Variants in SERAC1 observed in about 807,000 individuals in gnomAD.
SERAC1 encodes the protein serine active site containing 1.
Under a neutral mutation model 85.7 loss-of-function variants are expected in SERAC1, and 36 were observed. The observed-to-expected ratio is 0.42, with a 90% CI of 0.32 to 0.55. The LOEUF (loss-of-function observed/expected upper bound fraction) is 0.55, where lower values mean the gene tolerates loss of function less well. Among genes scored for constraint, SERAC1 ranks in the 20% least tolerant of loss-of-function variants. The pLI, the probability that SERAC1 is intolerant of heterozygous loss-of-function variation, is 0.11. For missense variants in SERAC1, 629 were observed against 796.2 expected (o/e 0.79, Z 2.53); for synonymous variants, 242 against 265.3 (o/e 0.91, Z 0.85).
chr6:158,142,847 G>T (rs922797621), intron 8 of SERAC1, among the ~76,000 whole-genome samples: 1 of 152,120 alleles, frequency 6.6e-6, no homozygotes, highest in Non-Finnish European at 1.5e-5. Context: ...ATAGTGAAGG[G>T]CTCCTGAAAT....
In SERAC1 at chr6:158,119,112, T is replaced by A. The variant is rs750317383; in HGVS notation, c.1225A>T (p.Thr409Ser). 1 of 1,613,816 alleles carries A rather than the reference T, an allele frequency of 6.2e-7. No homozygotes were observed. Among genetic ancestry groups the A allele is most frequent in the South Asian group, 1.1e-5 (1 of 91,046 alleles). ...TGCTCACTGTCCTGCTGGCGCCATG[T>A]TTTGAATGCTGCTCCCATAAGGCCA... ...IHGLMGAAFKTWRQQDSEQAV... is the reference protein window; with the variant it reads ...IHGLMGAAFKSWRQQDSEQAV... Residue 409 changes from threonine to serine, a missense_variant, in exon 12 of 17, where the codon ACA becomes TCA. Thr to Ser is a moderately conservative substitution (Grantham distance 58). Coordinates refer to ENST00000647468, the MANE Select transcript of SERAC1 (RefSeq NM_032861.4). This position sits in a 1 kb window ranked among gnomAD's most constrained non-coding sequence, Gnocchi z 4.5.
chr6:158,151,751 GTTTATAGAA>G (rs938955432), intron 3 of SERAC1, among the ~76,000 whole-genome samples: 62 of 152,106 alleles, frequency 4.1e-4, no homozygotes, highest in African/African-American at 1.3e-3. Flanking sequence ...ACAGACAAAA[GTTTATAGAA>G]TAAAGACATA....
chr6:158,118,009 C>T (rs1312056113), intron 12 of SERAC1, among the ~76,000 whole-genome samples, 188 bp from the exon 13 acceptor site: 1 of 152,108 alleles, frequency 6.6e-6, no homozygotes, highest in East Asian at 1.9e-4. Flanking sequence ...CGAAGTGGTA[C>T]CAGTATTTAT....
chr6:158,126,179 A>C (rs930507426), intron 10 of SERAC1, among the ~76,000 whole-genome samples: 4 of 152,202 alleles, frequency 2.6e-5, no homozygotes, highest in Non-Finnish European at 5.9e-5. Flanking sequence ...TGAAAGAGGC[A>C]AGAAGCAAAG....
chr6:158,144,149 A>G, intron 7 of SERAC1, 150 bp downstream of exon 7: 1 of 631,184 alleles, frequency 1.6e-6, no homozygotes. Context: ...TCTTTGTATA[A>G]AAACTATGAT....
At chr6:158,154,401 G>T (rs896607909) in intron 3 of SERAC1, among the ~76,000 whole-genome samples, 8 of 152,082 alleles carry the variant, frequency 5.3e-5, no homozygotes, top group African/African-American at 1.7e-4. Flanking sequence ...GAGTCAAAGG[G>T]AAAAATTATC....
At position 158,120,290 on chromosome 6, in the gene SERAC1, T is replaced by C. The variant is rs1215114534; in HGVS notation, c.1166+135A>G. ...TTCTTTTGTGGTTACTATAGACAAATTATTTTAGTAAATAAGATATTTGAC... is the reference window on the plus strand; with the variant it reads ...TTCTTTTGTGGTTACTATAGACAAACTATTTTAGTAAATAAGATATTTGAC... On this transcript the variant is annotated intron_variant, in intron 11 of 16. Transcript: ENST00000647468. The surrounding 1 kb of genome is among the most constrained non-coding windows in gnomAD (Gnocchi z 4.4). 2.1e-6 allele frequency: 2 copies of C among 943,256 alleles called. No homozygotes were observed. Among genetic ancestry groups the C allele is most frequent in the Non-Finnish European group, 3.0e-6 (2 of 666,724 alleles). 58.4% of individuals were successfully genotyped at this position (943,256 alleles called of 1,614,324 possible).
At chr6:158,118,231 T>G (rs1447472259) in intron 12 of SERAC1, among the ~76,000 whole-genome samples, 2 of 152,220 alleles carry the variant, frequency 1.3e-5, no homozygotes, top group East Asian at 3.8e-4. Context: ...TATCTCTGTA[T>G]ACCCTAGGTC....
chr6:158,141,865 GA>G (rs1239151858), intron 8 of SERAC1, among the ~76,000 whole-genome samples: 1 of 152,110 alleles, frequency 6.6e-6, no homozygotes, highest in Non-Finnish European at 1.5e-5. Flanking sequence ...CCCAAAAGGG[GA>G]AATTATGTAA....
At position 158,165,859 on chromosome 6, in the gene SERAC1, C is replaced by T. The variant is rs535980946; in HGVS notation, c.-2+2281G>A. Among the ~76,000 whole-genome samples the T allele has an allele frequency of 7.8e-4, 119 of 152,266 alleles. 1 individual carries two copies. The highest frequency in any genetic ancestry group is 2.7e-3 in the African/African-American group (113 of 41,542). ...TACACTCTTGTCTAGTTCAAGCCAA[C>T]ATCATCTCTCATTTGGAGTAATAAA... On this transcript the variant is annotated intron_variant, in intron 1 of 16. Transcript: ENST00000647468.
chr6:158,144,235 AG>A (rs1021610904), intron 7 of SERAC1, 63 bp downstream of exon 7: 2 of 1,315,836 alleles, frequency 1.5e-6, no homozygotes, highest in African/African-American at 3.0e-5. Flanking sequence ...TTGTACCCCA[AG>A]TGAAGATAAT....
rs900884071 is a variant in SERAC1, at chr6:158,114,445, C to T, written c.1684+344G>A. ...ACTAACAATCTCAAAGTTTCATTTA[C>T]ATTTTAACAGTTGATGATTCTCCAC... On this transcript the variant is annotated intron_variant, in intron 15 of 16. Coordinates refer to ENST00000647468, the MANE Select transcript of SERAC1 (RefSeq NM_032861.4). The T allele has an allele frequency of 7.6e-6, 8 of 1,050,728 alleles. No individual in the cohort carries two copies. In the Admixed American group the frequency reaches 4.0e-4, roughly 53 times the overall value. 65.1% of individuals were successfully genotyped at this position (1,050,728 alleles called of 1,614,324 possible).
At chr6:158,160,374 A>C (rs1206494511) in intron 1 of SERAC1, among the ~76,000 whole-genome samples, 6 of 152,238 alleles carry the variant, frequency 3.9e-5, no homozygotes, top group Non-Finnish European at 7.3e-5. Context: ...GCAAACAAAT[A>C]CTACCCTTTT....
In SERAC1 at chr6:158,128,272, T is replaced by C; in HGVS notation, c.853-2A>G. 1 of 1,612,948 alleles carries C rather than the reference T, an allele frequency of 6.2e-7. No individual in the cohort carries two copies. The highest frequency in any genetic ancestry group is 8.5e-7 in the Non-Finnish European group (1 of 1,179,644). On this transcript the variant is annotated splice_acceptor_variant, in intron 9 of 16. Coordinates refer to ENST00000647468, the MANE Select transcript of SERAC1 (RefSeq NM_032861.4). LOFTEE classifies it high-confidence loss of function. ...GATTTTATCACAATGTGTGGATATC[T>C]GGCACAATAAATAAACAGAAGCTCC... is the stretch of plus-strand genomic sequence containing the variant.
In SERAC1 at chr6:158,121,667, T is replaced by A. The variant is rs561294407; in HGVS notation, c.1016-1092A>T. 1.2e-4 allele frequency among the ~76,000 whole-genome samples: 18 copies of A among 152,224 alleles called. No individual in the cohort carries two copies. In the South Asian group the frequency reaches 3.3e-3, roughly 28 times the overall value. ...ACTCAGTACTTAACAATATTCAAAT[T>A]TATAACATCAGAAGATTCCTCTTCA... is the stretch of plus-strand genomic sequence containing the variant. On this transcript the variant is annotated intron_variant, in intron 10 of 16. Transcript: ENST00000647468.
intron 2 of SERAC1, among the ~76,000 whole-genome samples, chr6:158,156,794 T>C (rs1785345584): frequency 7.4e-6 from 1 of 135,838 alleles, no homozygotes; most frequent in Non-Finnish European, 1.5e-5. Context: ...ATTATATATG[T>C]TTAAATGTAT....
intron 6 of SERAC1, 90 bp downstream of exon 6, chr6:158,146,692 G>C: frequency 6.5e-7 from 1 of 1,527,264 alleles, no homozygotes; most frequent in Non-Finnish European, 8.9e-7. Context: ...TTACAGGCGT[G>C]AGCCACCGCA....
chr6:158,119,047 A>G lies in SERAC1; in HGVS notation c.1290T>C (p.Tyr430=), dbSNP rs1328194766. 6 of 1,613,512 alleles carry G rather than the reference A, an allele frequency of 3.7e-6. No homozygotes were observed. The South Asian group carries it at 4.4e-5, about 12-fold the overall frequency. Residue 430 remains tyrosine (Y), a synonymous_variant, in exon 12 of 17, where the codon TAT becomes TAC. Transcript: ENST00000647468. The surrounding 1 kb of genome is among the most constrained non-coding windows in gnomAD (Gnocchi z 4.5). ...IEKPMEDEDR[Y]TTCWPKTWLA... ...CCCTTACCTTGGGCCAGCACGTCGT[A>G]TATCTGTCTTCATCCTCCATAGGTT...
At position 158,143,198 on chromosome 6, in the gene SERAC1, A is replaced by C; in HGVS notation, c.610-14T>G. On this transcript the variant is annotated splice_polypyrimidine_tract_variant and intron_variant, in intron 7 of 16. Coordinates refer to ENST00000647468, the MANE Select transcript of SERAC1 (RefSeq NM_032861.4). ...AGTGGAAGAATCCTGAAATAAAAGGAAAGGAAATTCTTCATAAATACTCAA... is the reference window on the plus strand; with the variant it reads ...AGTGGAAGAATCCTGAAATAAAAGGCAAGGAAATTCTTCATAAATACTCAA... 2 of 1,609,374 alleles carry C rather than the reference A, an allele frequency of 1.2e-6. No individual in the cohort carries two copies. Among genetic ancestry groups the C allele is most frequent in the Non-Finnish European group, 1.7e-6 (2 of 1,178,860 alleles).
Sources: gnomAD v4.1 joint callset for allele counts (sites outside exome capture counted in the v4.1 genomes callset) on GRCh38, gnomAD v4.1.1 for gene constraint, Gnocchi (gnomAD v3.1) non-coding constraint, MANE v1.5 for transcripts, NCBI Gene and HGNC (gene_info 2026-07-23, HGNC 2026-07-21) for gene names.